The following HORMAD2 variants were observed in gnomAD, a reference collection of about 807,000 sequenced individuals.
HORMAD2 encodes HORMA domain containing 2.
Under a neutral mutation model 38.8 loss-of-function variants are expected in HORMAD2, and 45 were observed. The ratio of observed to expected loss-of-function variants is 1.16; its 90% CI spans 0.91 to 1.49. The LOEUF (loss-of-function observed/expected upper bound fraction) is 1.49. HORMAD2 is among the 40% of genes most tolerant of loss of function. The pLI is 0.00. For missense variants in HORMAD2, 338 were observed against 367.0 expected (o/e 0.92, Z 0.65); for synonymous variants, 126 against 122.8 (o/e 1.03, Z -0.17).
At chr22:30,111,502 G>A (rs1175494940) in intron 5 of HORMAD2, among the ~76,000 whole-genome samples, 2 of 151,968 alleles carry the variant, frequency 1.3e-5, no homozygotes, top group African/African-American at 2.4e-5. Flanking sequence ...AAAGAAAAAG[G>A]AAAATACAGT....
At chr22:30,126,582 AT>A (rs1922884113) in intron 10 of HORMAD2, among the ~76,000 whole-genome samples, 1 of 152,190 alleles carries the variant, frequency 6.6e-6, no homozygotes, top group Admixed American at 6.5e-5. Flanking sequence ...CAATTTATTC[AT>A]TCTAATGTTA....
At chr22:30,094,093 G>A in intron 2 of HORMAD2, 90 bp downstream of exon 2, 1 of 967,724 alleles carries the variant, frequency 1.0e-6, no homozygotes, top group Non-Finnish European at 1.6e-6. Context: ...GTGTTTTTAA[G>A]CAGCAGTTTT....
Position 30,122,184 on chromosome 22 carries a change from C to T in HORMAD2, c.789C>T (p.Asp263=). ...CTGAGATCGCCCATCAGGGTCTAGACTGTGATGAGGAAGAAGAATGCAATG... is the reference window on the plus strand; with the variant it reads ...CTGAGATCGCCCATCAGGGTCTAGATTGTGATGAGGAAGAAGAATGCAATG... ...STTEIAHQGL[D]CDEEEECNDH... is the part of the protein sequence containing the mutation. Residue 263 remains aspartate, a synonymous_variant, in exon 10 of 11, where the codon GAC becomes GAT. Coordinates refer to ENST00000336726, the MANE Select transcript of HORMAD2 (RefSeq NM_152510.4). 1 of 1,612,990 alleles carries T rather than the reference C, an allele frequency of 6.2e-7. No individual in the cohort carries two copies. Among genetic ancestry groups the T allele is most frequent in the Non-Finnish European group, 8.5e-7 (1 of 1,179,444 alleles).
chr22:30,122,338 G>A, intron 10 of HORMAD2, 124 bp downstream of exon 10: 1 of 798,476 alleles, frequency 1.3e-6, no homozygotes, highest in Non-Finnish European at 1.8e-6. Flanking sequence ...ACTAGTCTCT[G>A]ACATCAAGGA....
intron 10 of HORMAD2, among the ~76,000 whole-genome samples, chr22:30,170,560 G>T (rs1329213718): frequency 6.6e-6 from 1 of 152,046 alleles, no homozygotes; most frequent in Non-Finnish European, 1.5e-5. Flanking sequence ...CTAACCATAA[G>T]AGCTAATCTA....
intron 2 of HORMAD2, among the ~76,000 whole-genome samples, chr22:30,095,067 G>A (rs2068758318): frequency 6.6e-6 from 1 of 152,032 alleles, no homozygotes; most frequent in African/African-American, 2.4e-5. Flanking sequence ...ACTCCACCCT[G>A]AAGCCAGTAA....
downstream of HORMAD2, among the ~76,000 whole-genome samples, chr22:30,180,669 T>G (rs1926658476): frequency 6.6e-6 from 1 of 152,188 alleles, no homozygotes; most frequent in Non-Finnish European, 1.5e-5. Flanking sequence ...TAAACTGCCC[T>G]GCACACATAT....
chr22:30,150,020 C>CT (rs555052814), intron 10 of HORMAD2, among the ~76,000 whole-genome samples: 62 of 150,346 alleles, frequency 4.1e-4, no homozygotes, highest in African/African-American at 1.3e-3. Flanking sequence ...TATTTTTATC[C>CT]TTTTTTTTTG....
In HORMAD2 at chr22:30,176,568, A is replaced by G. The variant is rs542759918; in HGVS notation, c.*401A>G. On this transcript the variant is annotated 3_prime_UTR_variant, in exon 11 of 11. Coordinates refer to ENST00000336726, the MANE Select transcript of HORMAD2 (RefSeq NM_152510.4). ...TGTTTTGACTTGTTGTAACCTGTAT[A>G]CTGGAATCCCTCTCTAGCTGTATTA... The G allele has an allele frequency of 1.8e-5, 3 of 164,072 alleles. No individual in the cohort carries two copies. The South Asian group carries it at 4.7e-4, about 26-fold the overall frequency. The allele number at this position is 164,072 out of a possible 1,614,324, so 10.2% of individuals were successfully genotyped here.
At chr22:30,119,563 G>A (rs1922291702) in intron 8 of HORMAD2, among the ~76,000 whole-genome samples, 1 of 152,148 alleles carries the variant, frequency 6.6e-6, no homozygotes, top group Non-Finnish European at 1.5e-5. Flanking sequence ...CAAGTTTTAG[G>A]TTACTAATGG....
At chr22:30,189,981 C>T in the HORMAD2 span, among the ~76,000 whole-genome samples, 1 of 152,178 alleles carries the variant, frequency 6.6e-6, no homozygotes, top group African/African-American at 2.4e-5. Flanking sequence ...CGTCTCCTCT[C>T]TCTAAGTCCT....
At chr22:30,125,450 A>G (rs963184258) in intron 10 of HORMAD2, among the ~76,000 whole-genome samples, 4 of 144,924 alleles carry the variant, frequency 2.8e-5, no homozygotes, top group Non-Finnish European at 6.0e-5. Context: ...GTGGTCTTGA[A>G]CTCCCGACCT....
At chr22:30,181,657 C>A (rs1926723661), downstream of HORMAD2, among the ~76,000 whole-genome samples, 1 of 152,208 alleles carries the variant, frequency 6.6e-6, no homozygotes, top group Admixed American at 6.5e-5. Context: ...TTATGAAAGT[C>A]TGTCATAAAA....
At chr22:30,142,971 A>T (rs1173101282) in intron 10 of HORMAD2, among the ~76,000 whole-genome samples, 5 of 151,566 alleles carry the variant, frequency 3.3e-5, no homozygotes, top group African/African-American at 9.7e-5. Flanking sequence ...CCTTTTTGGT[A>T]TTTTTTTTAT....
chr22:30,123,109 G>A (rs926287979), intron 10 of HORMAD2, among the ~76,000 whole-genome samples: 1 of 152,170 alleles, frequency 6.6e-6, no homozygotes, highest in African/African-American at 2.4e-5. Context: ...TTGAAAAGAG[G>A]TTCTAGTTGT....
intron 7 of HORMAD2, among the ~76,000 whole-genome samples, chr22:30,117,450 TTTAG>T (rs1460125196): frequency 2.8e-5 from 4 of 143,440 alleles, no homozygotes; most frequent in African/African-American, 1.2e-4. Context: ...TAAAATTTAA[TTTAG>T]TTATTTTATT....
At chr22:30,155,314 C>G (rs1362636144) in intron 10 of HORMAD2, among the ~76,000 whole-genome samples, 1 of 152,060 alleles carries the variant, frequency 6.6e-6, no homozygotes, top group Non-Finnish European at 1.5e-5. Flanking sequence ...TATCCTGATC[C>G]TCATCAAACT....
chr22:30,155,956 C>T (rs566224540), intron 10 of HORMAD2, among the ~76,000 whole-genome samples: 1 of 152,316 alleles, frequency 6.6e-6, no homozygotes, highest in African/African-American at 2.4e-5. Flanking sequence ...TGCCTCCTCA[C>T]CCTGCTCAAG....
chr22:30,101,196 A>G (rs1920941120), intron 3 of HORMAD2, among the ~76,000 whole-genome samples: 1 of 152,250 alleles, frequency 6.6e-6, no homozygotes, highest in South Asian at 2.1e-4. Flanking sequence ...ATGCCCATCA[A>G]TGATAGACTG....
Sources: gnomAD v4.1 joint callset for allele counts (sites outside exome capture counted in the v4.1 genomes callset) on GRCh38, gnomAD v4.1.1 for gene constraint, MANE v1.5 for transcripts, NCBI Gene and HGNC (gene_info 2026-07-23, HGNC 2026-07-21) for gene names.